AFF2: variants seen among roughly 807,000 people sequenced by gnomAD.
The protein encoded by AFF2 is ALF transcription elongation factor 2.
AFF2 carries 14 observed loss-of-function variants against 76.9 expected under a neutral mutation model. The ratio of observed to expected loss-of-function variants is 0.18; its 90% CI spans 0.12 to 0.28. The LOEUF is 0.28. AFF2 is among the 10% of genes least tolerant of loss of function. The pLI is 1.00. For missense variants in AFF2, 868 were observed against 1,001.1 expected, an observed-to-expected ratio of 0.87 and a Z score of 1.79; for synonymous variants, 398 against 366.7, an observed-to-expected ratio of 1.09 and a Z score of -0.98.
intron 3 of AFF2, among the ~76,000 whole-genome samples, chrX:148,714,424 G>A (rs2055003987): frequency 9.0e-6 from 1 of 111,521 alleles, no homozygotes; most frequent in African/African-American, 3.3e-5. Context: ...TTTAGTTTAT[G>A]ATGCTTATTT....
At position 148,696,448 on chromosome X, in the gene AFF2, T is replaced by TAATA. The variant is rs1202755753; in HGVS notation, c.1041+33698_1041+33701dup. Among the ~76,000 whole-genome samples, 49 of 110,710 alleles carry TAATA rather than the reference T, an allele frequency of 4.4e-4. 1 individual carries two copies. The highest frequency in any genetic ancestry group is 6.4e-4 in the Non-Finnish European group (34 of 52,958). Reference sequence around the variant, plus strand: ...ATGTACCCTAAAACTTAAAGTATAATAATAAATAAATAAATAAATAATATT... The same window carrying TAATA: ...ATGTACCCTAAAACTTAAAGTATAATAATAAATAAATAAATAAATAAATAATATT... On this transcript the variant is annotated intron_variant, in intron 3 of 20. Transcript: ENST00000370460.
chrX:148,689,323 A>G (rs1202262305), intron 3 of AFF2, among the ~76,000 whole-genome samples: 1 of 111,764 alleles, frequency 8.9e-6, no homozygotes, highest in Admixed American at 9.5e-5. Flanking sequence ...AGTGGGGGTT[A>G]GGATTTCAAC....
chrX:148,720,870 T>C (rs1557263737), intron 3 of AFF2, among the ~76,000 whole-genome samples: 1 of 111,856 alleles, frequency 8.9e-6, no homozygotes, highest in Admixed American at 9.5e-5. Flanking sequence ...CTTTTCTAAG[T>C]GTTTTCAAAT....
chrX:148,780,296 C>A (rs2069725323), intron 3 of AFF2, among the ~76,000 whole-genome samples: 1 of 111,619 alleles, frequency 9.0e-6, no homozygotes, highest in Admixed American at 9.5e-5. Context: ...GTTGGCCTGT[C>A]TTTGTAGGTT....
At chrX:148,751,978 T>A (rs2055506945) in intron 3 of AFF2, among the ~76,000 whole-genome samples, 1 of 111,675 alleles carries the variant, frequency 9.0e-6, no homozygotes, top group African/African-American at 3.3e-5. Flanking sequence ...ATTCTTAGTA[T>A]CTTCTTGCGG....
At chrX:148,904,102 G>C in intron 8 of AFF2, 119 bp from the exon 9 acceptor site, 1 of 521,498 alleles carries the variant, frequency 1.9e-6, no homozygotes, top group Admixed American at 3.2e-5. Flanking sequence ...ACAGCACCCT[G>C]TTTCGGTTAG....
chrX:148,716,527 A>G (rs1404267201), intron 3 of AFF2, among the ~76,000 whole-genome samples: 1 of 111,353 alleles, frequency 9.0e-6, no homozygotes, highest in Admixed American at 9.6e-5. Context: ...TTGGTCCTAC[A>G]TATATTTTCC....
chrX:148,973,717 C>T, intron 16 of AFF2, 110 bp downstream of exon 16: 1 of 807,033 alleles, frequency 1.2e-6, no homozygotes, highest in Admixed American at 3.8e-5. Flanking sequence ...CCAAGCCATC[C>T]TCTTAGAAGT....
chrX:148,717,043 A>G (rs1461937539), intron 3 of AFF2, among the ~76,000 whole-genome samples: 1 of 112,395 alleles, frequency 8.9e-6, no homozygotes, highest in Non-Finnish European at 1.9e-5. Flanking sequence ...ATATAACTCA[A>G]CAGTTGCACT....
At chrX:148,511,040 A>C (rs2052477046) in intron 1 of AFF2, among the ~76,000 whole-genome samples, 1 of 111,951 alleles carries the variant, frequency 8.9e-6, no homozygotes, top group South Asian at 3.7e-4. Context: ...GAAATGTTAT[A>C]AATTAAATGT....
At position 149,000,147 on chromosome X, in the gene AFF2, T is replaced by C. The variant is rs1390655374; in HGVS notation, c.*8815T>C. ...GGCACCCCAGGTGGCCATTAAATTG[T>C]GATGATCATTCAGAAAGTGCCCCCT... On this transcript the variant is annotated 3_prime_UTR_variant, in exon 21 of 21. Coordinates refer to ENST00000370460, the MANE Select transcript of AFF2 (RefSeq NM_002025.4). 8.9e-6 allele frequency: 1 copy of C among 112,197 alleles called. No individual in the cohort carries two copies. The highest frequency in any genetic ancestry group is 1.9e-5 in the Non-Finnish European group (1 of 53,204). The allele number at this position is 112,197 out of a possible 1,213,427, so 9.2% of individuals were successfully genotyped here.
intron 1 of AFF2, among the ~76,000 whole-genome samples, chrX:148,641,027 A>T (rs1346838374): frequency 9.0e-6 from 1 of 111,649 alleles, no homozygotes; most frequent in Non-Finnish European, 1.9e-5. Flanking sequence ...TTCCTCATAA[A>T]GTTATAACAT....
At chrX:148,654,590 G>A in intron 2 of AFF2, among the ~76,000 whole-genome samples, 1 of 110,703 alleles carries the variant, frequency 9.0e-6, no homozygotes, top group Non-Finnish European at 1.9e-5. Flanking sequence ...TGAGAAGGTG[G>A]AAGATACAGG....
chrX:148,979,440 G>C (rs1276141830), intron 18 of AFF2, among the ~76,000 whole-genome samples: 1 of 111,921 alleles, frequency 8.9e-6, no homozygotes, highest in Non-Finnish European at 1.9e-5. Flanking sequence ...CTCTTCATAT[G>C]CCTACACTCT....
intron 19 of AFF2, among the ~76,000 whole-genome samples, chrX:148,982,300 CAG>C (rs1298177056): frequency 1.8e-5 from 2 of 111,913 alleles, no homozygotes; most frequent in Admixed American, 1.9e-4. Context: ...AACAGTCACT[CAG>C]GGGTTATGTC....
chrX:148,637,850 A>T (rs2054047986), intron 1 of AFF2, among the ~76,000 whole-genome samples: 2 of 111,682 alleles, frequency 1.8e-5, no homozygotes, highest in African/African-American at 6.5e-5. Context: ...TTACAATTGT[A>T]TCTTATCCTG....
chrX:148,891,578 A>C (rs35910783), intron 8 of AFF2, among the ~76,000 whole-genome samples: 8,098 of 111,407 alleles, frequency 0.073, 394 homozygotes, highest in African/African-American at 0.17. Context: ...TGGCGGGCAA[A>C]CTCCAAAGCT....
chrX:148,740,803 G>A (rs2055341488), intron 3 of AFF2, among the ~76,000 whole-genome samples: 2 of 112,039 alleles, frequency 1.8e-5, no homozygotes, highest in African/African-American at 6.5e-5. Context: ...TCTAAGGGCT[G>A]AAGGCTATTG....
At chrX:148,577,069 C>G (rs2053296935) in intron 1 of AFF2, among the ~76,000 whole-genome samples, 1 of 111,688 alleles carries the variant, frequency 9.0e-6, no homozygotes, top group African/African-American at 3.2e-5. Context: ...TTGAGTATCT[C>G]TAAGGTATCA....
Sources: allele counts gnomAD v4.1 joint callset (sites outside exome capture counted in the v4.1 genomes callset), GRCh38; gene constraint gnomAD v4.1.1; transcripts MANE v1.5; gene names NCBI Gene and HGNC (gene_info 2026-07-23, HGNC 2026-07-21).